HIPK2: variants seen among roughly 807,000 people sequenced by gnomAD.
The protein encoded by HIPK2 is homeodomain-interacting protein kinase 2.
A neutral mutation model predicts 113.7 loss-of-function variants in HIPK2; 27 were observed. The observed-to-expected ratio is 0.24, with a 90% CI of 0.17 to 0.33. HIPK2 has a LOEUF of 0.33. HIPK2 is among the 10% of genes least tolerant of loss of function. HIPK2 has a pLI of 1.00. For missense variants in HIPK2, 1,257 were observed against 1,588.0 expected (o/e 0.79, Z 3.54); for synonymous variants, 631 against 642.2 (o/e 0.98, Z 0.26).
chr7:139,745,376 A>T (rs957479798), intron 1 of HIPK2, among the ~76,000 whole-genome samples: 1 of 152,110 alleles, frequency 6.6e-6, no homozygotes, highest in Non-Finnish European at 1.5e-5. Flanking sequence ...TGTGAGGATA[A>T]AGGCTAGGGA....
At chr7:139,678,002 G>T (rs1428680676) in intron 2 of HIPK2, among the ~76,000 whole-genome samples, 2 of 152,164 alleles carry the variant, frequency 1.3e-5, no homozygotes, top group Non-Finnish European at 2.9e-5. Context: ...ATGTTTGTTG[G>T]CTGCATAGAT....
intron 10 of HIPK2, among the ~76,000 whole-genome samples, chr7:139,602,757 C>T (rs1172187825): frequency 6.6e-6 from 1 of 152,122 alleles, no homozygotes; most frequent in East Asian, 1.9e-4. Flanking sequence ...TTATTTAATG[C>T]CTGTCATGTA....
rs937951502 is a variant in HIPK2, at chr7:139,638,509, C to T, written c.1104-6784G>A. Among the ~76,000 whole-genome samples the T allele has an allele frequency of 2.3e-4, 35 of 152,270 alleles. No individual in the cohort carries two copies. In the East Asian group the frequency reaches 6.8e-3, roughly 29 times the overall value. On this transcript the variant is annotated intron_variant, in intron 2 of 14. Transcript: ENST00000406875. Reference sequence around the variant, plus strand: ...ACCATCTTAAAGAATTTCCTCATCGCTATTTTGGGACATCAGAAATACTTT... The same window carrying T: ...ACCATCTTAAAGAATTTCCTCATCGTTATTTTGGGACATCAGAAATACTTT...
At chr7:139,766,331 A>G (rs1473889040) in intron 1 of HIPK2, among the ~76,000 whole-genome samples, 1 of 152,206 alleles carries the variant, frequency 6.6e-6, no homozygotes, top group Non-Finnish European at 1.5e-5. Flanking sequence ...TTTTCCTTAG[A>G]GGTCTCAGTA....
At chr7:139,771,244 T>C (rs1479055692) in intron 1 of HIPK2, among the ~76,000 whole-genome samples, 4 of 152,180 alleles carry the variant, frequency 2.6e-5, no homozygotes, top group Non-Finnish European at 5.9e-5. Flanking sequence ...ATCAAGATTC[T>C]TCTGTGTGCT....
At chr7:139,769,814 C>A (rs1465812744) in intron 1 of HIPK2, among the ~76,000 whole-genome samples, 3 of 152,192 alleles carry the variant, frequency 2.0e-5, no homozygotes, top group Non-Finnish European at 4.4e-5. Context: ...TTTCTTTAAC[C>A]ACTGACTAGT....
intron 11 of HIPK2, among the ~76,000 whole-genome samples, chr7:139,599,506 C>T (rs911555133): frequency 2.0e-5 from 3 of 152,070 alleles, no homozygotes; most frequent in Non-Finnish European, 4.4e-5. Context: ...TTTTGTTGAC[C>T]TTGATTTTTT....
intron 1 of HIPK2, among the ~76,000 whole-genome samples, chr7:139,747,871 T>C (rs1028521503): frequency 1.4e-4 from 21 of 152,210 alleles, no homozygotes; most frequent in African/African-American, 4.8e-4. Context: ...AAATAAAACA[T>C]TGAGTTCCTC....
chr7:139,605,235 GGTGTGTGT>G (rs34675356), intron 9 of HIPK2, among the ~76,000 whole-genome samples: 11 of 147,658 alleles, frequency 7.4e-5, no homozygotes, highest in East Asian at 2.0e-4. Context: ...TAGATTCACT[GGTGTGTGT>G]GTGTGTGTGT....
At chr7:139,771,560 C>T (rs1230507294) in intron 1 of HIPK2, among the ~76,000 whole-genome samples, 1 of 152,080 alleles carries the variant, frequency 6.6e-6, no homozygotes, top group African/African-American at 2.4e-5. Context: ...ATTTATGAAG[C>T]GCCTACTAGG....
At chr7:139,656,958 C>A (rs542079410) in intron 2 of HIPK2, among the ~76,000 whole-genome samples, 1 of 152,106 alleles carries the variant, frequency 6.6e-6, no homozygotes, top group Admixed American at 6.5e-5. Context: ...GCAACCTCCA[C>A]CTCCCGGATT....
intron 2 of HIPK2, among the ~76,000 whole-genome samples, chr7:139,646,339 T>G (rs1181450408): frequency 6.6e-6 from 1 of 151,644 alleles, no homozygotes; most frequent in Admixed American, 6.6e-5. Context: ...CTACAAAAAA[T>G]TTTTTAAAAA....
At chr7:139,776,223 G>C (rs913632845) in intron 1 of HIPK2, among the ~76,000 whole-genome samples, 1 of 152,106 alleles carries the variant, frequency 6.6e-6, no homozygotes, top group African/African-American at 2.4e-5. Context: ...GAATCAAAGA[G>C]GAAAGCCCCT....
At chr7:139,722,120 C>A in intron 1 of HIPK2, 1 of 325,112 alleles carries the variant, frequency 3.1e-6, no homozygotes, top group South Asian at 2.6e-5. Flanking sequence ...CATGTGGTTG[C>A]TACAGAAGTG....
At chr7:139,585,704 G>A (rs976463131) in intron 12 of HIPK2, among the ~76,000 whole-genome samples, 5 of 152,136 alleles carry the variant, frequency 3.3e-5, no homozygotes, top group African/African-American at 1.2e-4. Context: ...CACAACACAT[G>A]GTAAGTATTC....
In HIPK2 at chr7:139,572,554, TCTC is replaced by T. The variant is rs1166887692; in HGVS notation, c.*370_*372del. ...TTCTGGAATCTTCCTGTTGCTCTCT[TCTC>T]CTTTCCAGTTTGGCGTAGAATGGGT... On this transcript the variant is annotated 3_prime_UTR_variant, in exon 15 of 15. Transcript: ENST00000406875. The T allele has an allele frequency of 1.1e-5, 2 of 181,504 alleles. No individual in the cohort carries two copies. Among genetic ancestry groups the T allele is most frequent in the South Asian group, 1.9e-4 (1 of 5,276 alleles). 11.2% of individuals were successfully genotyped at this position (181,504 alleles called of 1,614,324 possible).
intron 11 of HIPK2, among the ~76,000 whole-genome samples, chr7:139,598,255 T>G (rs968220095): frequency 3.3e-5 from 5 of 152,228 alleles, no homozygotes; most frequent in African/African-American, 9.6e-5. Context: ...TTTATATGTC[T>G]TTAGAGATTC....
chr7:139,754,568 A>C lies in HIPK2; in HGVS notation c.19+23037T>G, dbSNP rs976874126. Among the ~76,000 whole-genome samples, 6 of 152,176 alleles carry C rather than the reference A, an allele frequency of 3.9e-5. No homozygotes were observed. In the South Asian group the frequency reaches 1.2e-3, roughly 31 times the overall value. The stretch of plus-strand genomic sequence containing the variant: ...AGCTAAGTGTGTGAGAGAGACAGAG[A>C]GTGTGTGTGTGCAGTATGTTAACTA... On this transcript the variant is annotated intron_variant, in intron 1 of 14. Coordinates refer to ENST00000406875, the MANE Select transcript of HIPK2 (RefSeq NM_022740.5).
intron 1 of HIPK2, among the ~76,000 whole-genome samples, chr7:139,742,606 C>G (rs1312244668): frequency 6.6e-6 from 1 of 152,062 alleles, no homozygotes; most frequent in South Asian, 2.1e-4. Context: ...TTAGCTCTAA[C>G]AATGGGTAAT....
Sources: allele counts gnomAD v4.1 joint callset (sites outside exome capture counted in the v4.1 genomes callset), GRCh38; gene constraint gnomAD v4.1.1; transcripts MANE v1.5; gene names NCBI Gene and HGNC (gene_info 2026-07-23, HGNC 2026-07-21).